Variants in DCDC1 observed in about 807,000 individuals in gnomAD.
DCDC1 encodes the protein doublecortin domain-containing protein 1.
DCDC1 carries 200 observed loss-of-function variants against 178.3 expected under a neutral mutation model. The observed-to-expected ratio is 1.12, with a 90% CI of 1.00 to 1.26. DCDC1 has a LOEUF of 1.26. Ranked by LOEUF, DCDC1 falls within the 50% of genes most tolerant of loss-of-function variation. DCDC1 has a pLI of 0.00. For synonymous variants in DCDC1, 690 were observed against 604.8 expected (o/e 1.14, Z -2.07); for missense variants, 1,983 against 1,749.2 (o/e 1.13, Z -2.38).
chr11:31,145,797 C>T (rs2136059588), intron 9 of DCDC1, among the ~76,000 whole-genome samples: 1 of 152,236 alleles, frequency 6.6e-6, no homozygotes, highest in Middle Eastern at 3.4e-3. Context: ...ACTTGATTGT[C>T]CTTCTCAATT....
intron 1 of DCDC1, among the ~76,000 whole-genome samples, chr11:31,348,562 C>T (rs1370819026): frequency 6.6e-6 from 1 of 152,174 alleles, no homozygotes; most frequent in East Asian, 1.9e-4. Flanking sequence ...ATGCCCTCAC[C>T]TATTTAATTG....
At chr11:30,968,954 T>C (rs1949627837) in intron 20 of DCDC1, among the ~76,000 whole-genome samples, 1 of 151,830 alleles carries the variant, frequency 6.6e-6, no homozygotes, top group South Asian at 2.1e-4. Flanking sequence ...CATGATATAA[T>C]TTGCAAGATA....
At chr11:30,974,099 A>G (rs1185366887) in intron 20 of DCDC1, among the ~76,000 whole-genome samples, 1 of 152,138 alleles carries the variant, frequency 6.6e-6, no homozygotes, top group South Asian at 2.1e-4. Flanking sequence ...TTTTGAAACT[A>G]CAAATACATA....
In DCDC1 at chr11:30,922,657, C is replaced by T. The variant is rs769583868; in HGVS notation, c.2998-19G>A. ...CATACACCTATCAAACAAAGCATCT[C>T]TTATCCTGTATATAATTGTCACAGC... On this transcript the variant is annotated intron_variant, in intron 23 of 38. Coordinates refer to ENST00000684477, the MANE Select transcript of DCDC1 (RefSeq NM_001387274.1). The T allele has an allele frequency of 1.5e-5, 22 of 1,503,422 alleles. No individual in the cohort carries two copies. The highest frequency in any genetic ancestry group is 5.8e-5 in the Admixed American group (2 of 34,444). 93.1% of individuals were successfully genotyped at this position (1,503,422 alleles called of 1,614,324 possible).
At chr11:30,925,563 T>G (rs1946538781) in intron 22 of DCDC1, among the ~76,000 whole-genome samples, 155 bp from the exon 23 acceptor site, 1 of 152,166 alleles carries the variant, frequency 6.6e-6, no homozygotes, top group Admixed American at 6.6e-5. Context: ...TCAGACCCAT[T>G]TGAGTCTCAT....
At chr11:30,971,603 GTTTTTTTTTT>G (rs71060475) in intron 20 of DCDC1, among the ~76,000 whole-genome samples, 1 of 83,562 alleles carries the variant, frequency 1.2e-5, no homozygotes, top group Admixed American at 1.5e-4. Flanking sequence ...ACAGGCCTTT[GTTTTTTTTTT>G]TTTTTTTTTT....
rs145847011 is a variant in DCDC1 at position 31,145,287 on chromosome 11, C to A, written c.1222-7503G>T. 3.6e-3 allele frequency among the ~76,000 whole-genome samples: 546 copies of A among 152,128 alleles called. 3 individuals are homozygous for A. The highest frequency in any genetic ancestry group is 0.013 in the African/African-American group (524 of 41,488). On this transcript the variant is annotated intron_variant, in intron 9 of 38. Coordinates refer to ENST00000684477, the MANE Select transcript of DCDC1 (RefSeq NM_001387274.1). ...ATGAGGTTGGACCAATGTTGGGCCA[C>A]AAAGGATTGATGGGGTTTGTCTGGA...
chr11:31,310,843 T>C (rs1948730777), intron 3 of DCDC1, among the ~76,000 whole-genome samples: 1 of 152,132 alleles, frequency 6.6e-6, no homozygotes, highest in South Asian at 2.1e-4. Flanking sequence ...ATAAGGCTTA[T>C]TATCAAGATA....
chr11:30,865,751 T>C (rs1940922035), intron 38 of DCDC1, among the ~76,000 whole-genome samples: 1 of 152,020 alleles, frequency 6.6e-6, no homozygotes, highest in Admixed American at 6.6e-5. Flanking sequence ...CATAGGATAA[T>C]AGTTTTTTTT....
chr11:30,915,479 TG>T, intron 27 of DCDC1, 31 bp downstream of exon 27: 2 of 1,611,804 alleles, frequency 1.2e-6, no homozygotes, highest in Non-Finnish European at 8.5e-7. Context: ...ATTCACCTTT[TG>T]ATATAGTAAA....
rs1452324667 is a variant in DCDC1 at position 30,924,624 on chromosome 11, A to T, written c.2997+685T>A. ...TGAAAAAGTGAAATTACCATTTAGT[A>T]AAAAACCATTAAACAACTACATTTT... is the stretch of plus-strand genomic sequence containing the variant. On this transcript the variant is annotated intron_variant, in intron 23 of 38. Transcript: ENST00000684477. 1.3e-5 allele frequency among the ~76,000 whole-genome samples: 2 copies of T among 152,196 alleles called. 1 individual carries two copies. Among genetic ancestry groups the T allele is most frequent in the African/African-American group, 4.8e-5 (2 of 41,442 alleles).
chr11:31,112,628 T>C (rs763351421), intron 11 of DCDC1, among the ~76,000 whole-genome samples: 1 of 152,212 alleles, frequency 6.6e-6, no homozygotes, highest in Non-Finnish European at 1.5e-5. Flanking sequence ...ATGCAGATCC[T>C]GTTGAAAAAC....
At chr11:31,153,676 G>A (rs1363849047) in intron 9 of DCDC1, among the ~76,000 whole-genome samples, 6 of 151,850 alleles carry the variant, frequency 4.0e-5, no homozygotes, top group South Asian at 4.2e-4. Flanking sequence ...CCAGCTACTC[G>A]GAAGGCTGAG....
At chr11:31,212,083 A>G in intron 9 of DCDC1, among the ~76,000 whole-genome samples, 1 of 81,206 alleles carries the variant, frequency 1.2e-5, no homozygotes, top group South Asian at 4.3e-4. Context: ...ACTCAGTCTC[A>G]AAAAAAAAAA....
At chr11:31,236,016 A>G (rs925498571) in intron 9 of DCDC1, among the ~76,000 whole-genome samples, 3 of 152,084 alleles carry the variant, frequency 2.0e-5, no homozygotes, top group African/African-American at 7.2e-5. Context: ...CTAGAGATAC[A>G]TATTTGACAC....
chr11:30,986,334 C>CTTTTTT (rs201419551), intron 20 of DCDC1, among the ~76,000 whole-genome samples: 2 of 142,738 alleles, frequency 1.4e-5, no homozygotes, highest in African/African-American at 2.9e-5. Context: ...TTTTCTCTCT[C>CTTTTTT]TCTTTTTTTT....
At chr11:31,051,111 A>G (rs1448716503) in intron 20 of DCDC1, among the ~76,000 whole-genome samples, 1 of 152,208 alleles carries the variant, frequency 6.6e-6, no homozygotes, top group Non-Finnish European at 1.5e-5. Context: ...AGAAATATTC[A>G]TGGAAATAGA....
intron 17 of DCDC1, among the ~76,000 whole-genome samples, chr11:31,089,848 A>G (rs1270688479): frequency 6.6e-6 from 1 of 152,136 alleles, no homozygotes; most frequent in East Asian, 1.9e-4. Context: ...AATATACAGA[A>G]TACAGTTAAA....
chr11:30,886,713 A>C (rs2134006301), intron 36 of DCDC1, among the ~76,000 whole-genome samples: 1 of 152,284 alleles, frequency 6.6e-6, no homozygotes, highest in South Asian at 2.1e-4. Flanking sequence ...TTGTGTCTTC[A>C]ACATAAATTT....
Sources: allele counts gnomAD v4.1 joint callset (sites outside exome capture counted in the v4.1 genomes callset), GRCh38; gene constraint gnomAD v4.1.1; transcripts MANE v1.5; gene names NCBI Gene and HGNC (gene_info 2026-07-23, HGNC 2026-07-21).